The following DCC variants were observed in gnomAD, a reference collection of about 807,000 sequenced individuals.
The protein encoded by DCC is netrin receptor DCC.
Under a neutral mutation model 172.5 loss-of-function variants are expected in DCC, and 58 were observed. That is an observed-to-expected ratio of 0.34 (90% CI 0.27 to 0.42). The LOEUF (loss-of-function observed/expected upper bound fraction) is 0.42, where lower values mean the gene tolerates loss of function less well. Ranked by LOEUF, DCC falls within the 10% of genes least tolerant of loss-of-function variation. The pLI is 1.00. For synonymous variants in DCC, 709 were observed against 644.5 expected (o/e 1.10, Z -1.52); for missense variants, 1,740 against 1,791.0 (o/e 0.97, Z 0.51).
intron 1 of DCC, among the ~76,000 whole-genome samples, chr18:52,435,773 G>A (rs931386364): frequency 6.6e-6 from 1 of 152,060 alleles, no homozygotes; most frequent in African/African-American, 2.4e-5. Flanking sequence ...CCCGTGTTGG[G>A]GCAGGAAACT....
At chr18:52,604,813 A>C (rs1310925863) in intron 1 of DCC, among the ~76,000 whole-genome samples, 1 of 145,642 alleles carries the variant, frequency 6.9e-6, no homozygotes, top group Non-Finnish European at 1.5e-5. Flanking sequence ...TGCAGATTAT[A>C]CTTGTGATAT....
At chr18:53,117,031 A>G (rs1279707267) in intron 7 of DCC, among the ~76,000 whole-genome samples, 1 of 151,712 alleles carries the variant, frequency 6.6e-6, no homozygotes, top group Non-Finnish European at 1.5e-5. Context: ...GAAAGTTATA[A>G]TCAATGAAAA....
intron 2 of DCC, among the ~76,000 whole-genome samples, chr18:52,765,752 G>T (rs1599087591): frequency 1.3e-5 from 2 of 152,300 alleles, no homozygotes; most frequent in East Asian, 3.9e-4. Flanking sequence ...CTAGTTGTGT[G>T]GGGTAACACG....
At chr18:53,275,781 A>G (rs1051077989) in intron 12 of DCC, among the ~76,000 whole-genome samples, 2 of 152,146 alleles carry the variant, frequency 1.3e-5, no homozygotes, top group African/African-American at 4.8e-5. Flanking sequence ...CAAAAGGGTC[A>G]TCGCTGATAA....
At chr18:52,624,213 G>T (rs551652042) in intron 1 of DCC, among the ~76,000 whole-genome samples, 2 of 151,942 alleles carry the variant, frequency 1.3e-5, no homozygotes, top group African/African-American at 4.8e-5. Flanking sequence ...TTAATTACAG[G>T]CTTGCATCCT....
At chr18:52,773,919 C>T (rs759823454) in intron 2 of DCC, among the ~76,000 whole-genome samples, 1 of 152,154 alleles carries the variant, frequency 6.6e-6, no homozygotes, top group Non-Finnish European at 1.5e-5. Flanking sequence ...AGGGGGAAGA[C>T]AGATGAATCA....
chr18:52,672,832 C>T (rs1335516032), intron 1 of DCC, among the ~76,000 whole-genome samples: 3 of 152,108 alleles, frequency 2.0e-5, no homozygotes, highest in Non-Finnish European at 4.4e-5. Context: ...CTTTGGGAGG[C>T]AAAGGCAAGA....
chr18:53,332,054 T>C (rs1195070117), intron 14 of DCC, among the ~76,000 whole-genome samples: 2 of 152,194 alleles, frequency 1.3e-5, no homozygotes, highest in Non-Finnish European at 1.5e-5. Context: ...CGTGTTGATA[T>C]TGGGAATTGG....
chr18:53,307,386 T>G (rs930195014), intron 13 of DCC, among the ~76,000 whole-genome samples: 2 of 152,152 alleles, frequency 1.3e-5, no homozygotes, highest in Non-Finnish European at 2.9e-5. Context: ...TTTGGTACAA[T>G]ATGACTTTTA....
In DCC at chr18:53,341,293, A is replaced by C. The variant is rs535121190; in HGVS notation, c.2359+1386A>C. Among the ~76,000 whole-genome samples the C allele has an allele frequency of 2.6e-5, 4 of 152,282 alleles. No individual in the cohort carries two copies. In the East Asian group the frequency reaches 7.7e-4, roughly 29 times the overall value. ...GCTGCAAACTCAGAAGGAAGTCAGG[A>C]GGGAAACTGCATTGTTGACCCTATC... On this transcript the variant is annotated intron_variant, in intron 15 of 28. Transcript: ENST00000442544.
At chr18:53,243,669 C>A (rs931586930) in intron 12 of DCC, among the ~76,000 whole-genome samples, 2 of 152,186 alleles carry the variant, frequency 1.3e-5, no homozygotes, top group South Asian at 2.1e-4. Flanking sequence ...TGCTGCTGAA[C>A]GCTTGGAAAC....
intron 1 of DCC, 148 bp downstream of exon 1, chr18:52,341,026 G>T: frequency 1.4e-6 from 1 of 714,972 alleles, no homozygotes; most frequent in Non-Finnish European, 2.5e-6. Flanking sequence ...GATGATAAAA[G>T]ATAGAAGAGT....
At chr18:52,460,523 T>C (rs570254857) in intron 1 of DCC, among the ~76,000 whole-genome samples, 1 of 152,296 alleles carries the variant, frequency 6.6e-6, no homozygotes, top group South Asian at 2.1e-4. Flanking sequence ...TAGTCATATG[T>C]CACTTAACAA....
At chr18:53,375,995 G>C (rs2058106534) in intron 15 of DCC, among the ~76,000 whole-genome samples, 1 of 152,074 alleles carries the variant, frequency 6.6e-6, no homozygotes, top group Admixed American at 6.5e-5. Flanking sequence ...TTTTTGATGA[G>C]GTGATTGCAA....
chr18:52,903,995 T>C (rs559884175), intron 2 of DCC, among the ~76,000 whole-genome samples: 73 of 152,242 alleles, frequency 4.8e-4, no homozygotes, highest in Admixed American at 7.9e-4. Context: ...CAGTGGTAGA[T>C]GCAGCACAGA....
Position 52,532,293 on chromosome 18 carries a change from C to T in DCC, c.91+191415C>T, listed in dbSNP as rs570320187. Among the ~76,000 whole-genome samples the T allele has an allele frequency of 2.6e-5, 4 of 152,276 alleles. No homozygotes were observed. In the East Asian group the frequency reaches 7.7e-4, roughly 29 times the overall value. On this transcript the variant is annotated intron_variant, in intron 1 of 28. Transcript: ENST00000442544. ...TGTGATTAATGTGAGGACTTCTTAT[C>T]AAAGTTATATCTATTAAATCTCTCA...
intron 11 of DCC, among the ~76,000 whole-genome samples, chr18:53,209,233 G>T (rs982498200): frequency 6.6e-6 from 1 of 152,156 alleles, no homozygotes; most frequent in African/African-American, 2.4e-5. Flanking sequence ...GGGGAAACTA[G>T]AAACCTAACT....
chr18:52,871,880 G>T (rs55827098), intron 2 of DCC, among the ~76,000 whole-genome samples: 45,471 of 151,980 alleles, frequency 0.3, 8,091 homozygotes, highest in Non-Finnish European at 0.42. Context: ...TCAAGATTTT[G>T]CAGAGCAAAA....
chr18:52,638,111 A>G (rs1243521733), intron 1 of DCC, among the ~76,000 whole-genome samples: 2 of 152,180 alleles, frequency 1.3e-5, no homozygotes, highest in Middle Eastern at 3.2e-3. Context: ...TCAGACAAAC[A>G]AATGCTGGGA....
Sources: gnomAD v4.1 joint callset for allele counts (sites outside exome capture counted in the v4.1 genomes callset) on GRCh38, gnomAD v4.1.1 for gene constraint, MANE v1.5 for transcripts, NCBI Gene and HGNC (gene_info 2026-07-23, HGNC 2026-07-21) for gene names.